Variants in GRM7 observed in about 807,000 individuals in gnomAD.
GRM7 encodes metabotropic glutamate receptor 7.
GRM7 carries 35 observed loss-of-function variants against 84.5 expected under a neutral mutation model. The ratio of observed to expected loss-of-function variants is 0.41; its 90% confidence interval spans 0.32 to 0.55. GRM7 has a LOEUF of 0.55. Among genes scored for constraint, GRM7 ranks in the 20% least tolerant of loss-of-function variants. The pLI is 0.19. For synonymous variants in GRM7, 487 were observed against 455.1 expected (o/e 1.07, Z -0.89); for missense variants, 1,003 against 1,194.6 (o/e 0.84, Z 2.36).
chr3:7,113,141 C>T (rs1158480814), intron 1 of GRM7, among the ~76,000 whole-genome samples: 3 of 151,914 alleles, frequency 2.0e-5, no homozygotes, highest in African/African-American at 7.3e-5. Flanking sequence ...ATAAAACACA[C>T]TTAAAAATCA....
At chr3:7,032,142 G>A (rs905365462) in intron 1 of GRM7, among the ~76,000 whole-genome samples, 3 of 152,158 alleles carry the variant, frequency 2.0e-5, no homozygotes, top group Non-Finnish European at 4.4e-5. Flanking sequence ...GCCAGCTTGT[G>A]GAACAACATG....
At chr3:7,677,105 C>G (rs1237497138) in intron 8 of GRM7, among the ~76,000 whole-genome samples, 1 of 151,248 alleles carries the variant, frequency 6.6e-6, no homozygotes, top group Non-Finnish European at 1.5e-5. Context: ...ACTAAAAATA[C>G]AAAAAAATTA....
In GRM7 at chr3:7,263,515, T is replaced by A. The variant is rs1313281464; in HGVS notation, c.737-35169T>A. Among the ~76,000 whole-genome samples, 4 of 152,032 alleles carry A rather than the reference T, an allele frequency of 2.6e-5. No homozygotes were observed. In the East Asian group the frequency reaches 7.7e-4, roughly 29 times the overall value. ...CTCTGTGTGGGCATTTGCAGCAGTGTTGGTGGCAACACGGGTCAGGGGCGG... is the reference window on the plus strand; with the variant it reads ...CTCTGTGTGGGCATTTGCAGCAGTGATGGTGGCAACACGGGTCAGGGGCGG... On this transcript the variant is annotated intron_variant, in intron 2 of 9. Coordinates refer to ENST00000357716, the MANE Select transcript of GRM7 (RefSeq NM_000844.4).
chr3:7,365,857 G>T (rs1404595758), intron 4 of GRM7, among the ~76,000 whole-genome samples: 1 of 151,048 alleles, frequency 6.6e-6, no homozygotes, highest in African/African-American at 2.4e-5. Context: ...TTCTCTAAAG[G>T]ATCTGGATGC....
intron 6 of GRM7, among the ~76,000 whole-genome samples, chr3:7,453,212 T>C (rs924462824): frequency 2.0e-5 from 3 of 152,060 alleles, no homozygotes; most frequent in East Asian, 3.9e-4. Flanking sequence ...TGTGACCAAA[T>C]GTCAGTGGAG....
At chr3:7,090,693 T>C (rs1257604599) in intron 1 of GRM7, among the ~76,000 whole-genome samples, 2 of 152,176 alleles carry the variant, frequency 1.3e-5, no homozygotes, top group Admixed American at 6.5e-5. Context: ...TACAGAAAAC[T>C]CTGTTTCTGC....
At chr3:6,981,555 C>A (rs930060627) in intron 1 of GRM7, among the ~76,000 whole-genome samples, 1 of 152,128 alleles carries the variant, frequency 6.6e-6, no homozygotes, top group Non-Finnish European at 1.5e-5. Flanking sequence ...GAGTGTCCTG[C>A]GGTTCCTGCT....
intron 2 of GRM7, among the ~76,000 whole-genome samples, chr3:7,271,593 A>G (rs1698866655): frequency 6.6e-6 from 1 of 150,582 alleles, no homozygotes; most frequent in Admixed American, 6.6e-5. Flanking sequence ...AAAGAAATGC[A>G]GAATCTCAGG....
intron 1 of GRM7, among the ~76,000 whole-genome samples, chr3:7,084,056 G>A (rs1022461704): frequency 2.0e-5 from 3 of 152,104 alleles, no homozygotes; most frequent in Non-Finnish European, 4.4e-5. Flanking sequence ...TCTTCTCTGG[G>A]TAAGATGGGA....
chr3:7,636,152 T>C lies in GRM7; in HGVS notation c.2452-43897T>C, dbSNP rs139940742. ...TGTTCATTTTGATGCATGTTTATCT[T>C]TTGCCTAAACTGTGTCCACTAGGCT... On this transcript the variant is annotated intron_variant, in intron 8 of 9. Coordinates refer to ENST00000357716, the MANE Select transcript of GRM7 (RefSeq NM_000844.4). 684 of 444,898 alleles carry C rather than the reference T, an allele frequency of 1.5e-3. 3 individuals carry two copies. The highest frequency in any genetic ancestry group is 0.012 in the African/African-American group (581 of 49,834). 27.6% of individuals were successfully genotyped at this position (444,898 alleles called of 1,614,324 possible). A position where few individuals can be genotyped will look rare whatever the true frequency, so the allele number is the denominator to read the frequency against.
chr3:7,563,665 C>T (rs952192938), intron 7 of GRM7, among the ~76,000 whole-genome samples: 1 of 152,132 alleles, frequency 6.6e-6, no homozygotes, highest in African/African-American at 2.4e-5. Flanking sequence ...AATCACTGCC[C>T]TTTGTTAGAA....
At chr3:7,194,716 T>C (rs1350647940) in intron 2 of GRM7, among the ~76,000 whole-genome samples, 2 of 152,290 alleles carry the variant, frequency 1.3e-5, no homozygotes, top group Non-Finnish European at 2.9e-5. Flanking sequence ...GATGACTCAA[T>C]GTCTTAATCT....
intron 2 of GRM7, among the ~76,000 whole-genome samples, chr3:7,214,153 G>C (rs1172041419): frequency 6.6e-6 from 1 of 151,728 alleles, no homozygotes; most frequent in Admixed American, 6.6e-5. Context: ...TGATTCTTGG[G>C]GATAAGAACT....
At chr3:6,969,077 C>T (rs1693636471) in intron 1 of GRM7, among the ~76,000 whole-genome samples, 1 of 144,108 alleles carries the variant, frequency 6.9e-6, no homozygotes, top group Admixed American at 6.9e-5. Context: ...GGAAGCTCTA[C>T]AAACCAGGGT....
intron 9 of GRM7, among the ~76,000 whole-genome samples, chr3:7,715,130 T>A (rs1476416308): frequency 6.6e-6 from 1 of 152,134 alleles, no homozygotes; most frequent in Non-Finnish European, 1.5e-5. Flanking sequence ...TAGGAAATTA[T>A]CTGTATCACA....
At chr3:7,132,759 G>C (rs1257929278) in intron 1 of GRM7, among the ~76,000 whole-genome samples, 2 of 152,142 alleles carry the variant, frequency 1.3e-5, no homozygotes, top group South Asian at 4.1e-4. Flanking sequence ...ATGTGCCCAA[G>C]GCTTGCTTGA....
chr3:7,716,542 A>T (rs544931782), intron 9 of GRM7, among the ~76,000 whole-genome samples: 1 of 152,340 alleles, frequency 6.6e-6, no homozygotes, highest in East Asian at 1.9e-4. Flanking sequence ...TATGAGAAAG[A>T]AAATATGGCA....
chr3:6,952,938 G>A (rs1053143505), intron 1 of GRM7, among the ~76,000 whole-genome samples: 10 of 152,132 alleles, frequency 6.6e-5, no homozygotes, highest in Non-Finnish European at 1.3e-4. Flanking sequence ...AAATTCCAAC[G>A]ACAATGGATA....
At chr3:7,623,695 G>A (rs994316318) in intron 8 of GRM7, among the ~76,000 whole-genome samples, 1 of 152,072 alleles carries the variant, frequency 6.6e-6, no homozygotes, top group Admixed American at 6.6e-5. Flanking sequence ...AGCATGACAT[G>A]GGAGTTCAGC....
Sources: gnomAD v4.1 joint callset for allele counts (sites outside exome capture counted in the v4.1 genomes callset) on GRCh38, gnomAD v4.1.1 for gene constraint, MANE v1.5 for transcripts, NCBI Gene and HGNC (gene_info 2026-07-23, HGNC 2026-07-21) for gene names.